Variants in PEX19 observed in about 807,000 individuals in gnomAD.
PEX19 encodes peroxisomal biogenesis factor 19.
A neutral mutation model predicts 36.3 loss-of-function variants in PEX19; 29 were observed. The ratio of observed to expected loss-of-function variants is 0.80; its 90% CI spans 0.60 to 1.09. The LOEUF is 1.09. Among genes scored for constraint, PEX19 ranks in the 50% least tolerant of loss-of-function variants. PEX19 has a pLI of 0.00. For missense variants in PEX19, 396 were observed against 368.1 expected (o/e 1.08, Z -0.62); for synonymous variants, 141 against 135.2 (o/e 1.04, Z -0.30).
At position 160,280,168 on chromosome 1, in the gene PEX19, T is replaced by C; in HGVS notation, c.673A>G (p.Met225Val). ...FEKYQEQHSVMCKICEQFEAE... is the reference protein window; with the variant it reads ...FEKYQEQHSVVCKICEQFEAE... ...TCAAACTGCTCACATATTTTGCACA[T>C]GACGCTGTGCTGCTCCTGATATTTT... is the stretch of plus-strand genomic sequence containing the variant. The change falls in exon 6 of 8, where the codon ATG becomes GTG. Residue 225 changes from methionine to valine, a missense_variant. Coordinates refer to ENST00000368072, the MANE Select transcript of PEX19 (RefSeq NM_002857.4). The C allele has an allele frequency of 6.2e-7, 1 of 1,613,772 alleles. No homozygotes were observed.
rs141992314 is a variant in PEX19 at position 160,281,890 on chromosome 1, C to T, written c.594+149G>A. On this transcript the variant is annotated intron_variant, in intron 5 of 7. Transcript: ENST00000368072. ...CTCTCAGAGACACAACTCTCCCCAA[C>T]CCCCAACTCTCCCTGCCTCAAATAA... 84 of 712,624 alleles carry T rather than the reference C, an allele frequency of 1.2e-4. 3 individuals carry two copies. The Middle Eastern group carries it at 1.3e-3, about 11-fold the overall frequency. 44.1% of individuals were successfully genotyped at this position (712,624 alleles called of 1,614,324 possible).
chr1:160,283,159 C>A, intron 2 of PEX19, 50 bp from the exon 3 acceptor site: 1 of 1,597,726 alleles, frequency 6.3e-7, no homozygotes. Flanking sequence ...GACTACACTG[C>A]ACCTGGCCTC....
At chr1:160,281,240 T>C (rs1483877789) in intron 5 of PEX19, 1 of 152,316 alleles carries the variant, frequency 6.6e-6, no homozygotes, top group Admixed American at 6.6e-5. Flanking sequence ...GAGCCTGGGA[T>C]GGGGAGGCTG....
Position 160,279,605 on chromosome 1 carries a change from G to A in PEX19, c.846C>T (p.Ala282=). The A allele has an allele frequency of 6.2e-7, 1 of 1,614,162 alleles. No homozygotes were observed. The highest frequency in any genetic ancestry group is 8.5e-7 in the Non-Finnish European group (1 of 1,180,004). The change falls in exon 8 of 8, where the codon GCC becomes GCT. Residue 282 remains alanine, a synonymous_variant. Transcript: ENST00000368072. ...MPPGLNFDLD[A]LNLSGPPGAS... is the part of the protein sequence containing the mutation. ...CACCTGGTGGGCCCGAAAGATTGAG[G>A]GCATCCAGGTCAAAGTTGAGGCCAG...
rs367964884 is a variant in PEX19 at position 160,279,853 on chromosome 1, A to G, written c.772-8T>C. Reference sequence around the variant, plus strand: ...ATGGCCTAAATCTTGTAGCTAGAAAATAAGGAAAATGGAACATGAAATAGA... The same window carrying G: ...ATGGCCTAAATCTTGTAGCTAGAAAGTAAGGAAAATGGAACATGAAATAGA... On this transcript the variant is annotated splice_region_variant and splice_polypyrimidine_tract_variant and intron_variant, in intron 6 of 7. Transcript: ENST00000368072. 6 of 1,610,988 alleles carry G rather than the reference A, an allele frequency of 3.7e-6. No individual in the cohort carries two copies. The African/African-American group carries it at 6.7e-5, about 18-fold the overall frequency.
At position 160,277,615 on chromosome 1, in the gene PEX19, G is replaced by C. The variant is rs760414661; in HGVS notation, c.*1936C>G. 8.8e-6 allele frequency: 4 copies of C among 454,254 alleles called. No homozygotes were observed. The highest frequency in any genetic ancestry group is 3.1e-5 in the South Asian group (2 of 64,482). The allele number at this position is 454,254 out of a possible 1,614,324, so 28.1% of individuals were successfully genotyped here. A position where few individuals can be genotyped will look rare whatever the true frequency, so the allele number is the denominator to read the frequency against. ...TGAGTGCCTTGGGAACAAAGATAAA[G>C]TGGACTAGGGCATCTATTTAGATTC... On this transcript the variant is annotated 3_prime_UTR_variant, in exon 8 of 8. Transcript: ENST00000368072.
chr1:160,280,283 G>C (rs780156045), intron 5 of PEX19, 37 bp from the exon 6 acceptor site: 1 of 1,559,368 alleles, frequency 6.4e-7, no homozygotes, highest in Non-Finnish European at 8.8e-7. Context: ...AGAATTAAGT[G>C]AACAATGGAT....
intron 4 of PEX19, 39 bp downstream of exon 4, chr1:160,282,378 G>C (rs1366008539): frequency 1.3e-6 from 2 of 1,510,102 alleles, no homozygotes; most frequent in Non-Finnish European, 1.8e-6. Context: ...AAATGTCTGG[G>C]AGTGGACCCC....
At position 160,278,945 on chromosome 1, in the gene PEX19, C is replaced by T. The variant is rs1195216759; in HGVS notation, c.*606G>A. The T allele has an allele frequency of 1.1e-5, 5 of 454,048 alleles. No homozygotes were observed. The highest frequency in any genetic ancestry group is 7.0e-5 in the East Asian group (1 of 14,376). The allele number at this position is 454,048 out of a possible 1,614,324, so 28.1% of individuals were successfully genotyped here. ...GGAACAGGGAGGTGAGGGCTCAGCA[C>T]CTAGAGAGAGGAGAATCCTAAGGCC... On this transcript the variant is annotated 3_prime_UTR_variant, in exon 8 of 8. Transcript: ENST00000368072.
chr1:160,283,240 C>T, intron 2 of PEX19, 131 bp from the exon 3 acceptor site: 2 of 1,003,908 alleles, frequency 2.0e-6, no homozygotes, highest in Non-Finnish European at 3.1e-6. Flanking sequence ...GACATTCTAA[C>T]TACTGCTCCT....
rs1479478045 is a variant in PEX19 at position 160,280,085 on chromosome 1, C to T, written c.756G>A (p.Leu252=). 1.9e-6 allele frequency: 3 copies of T among 1,613,792 alleles called. No homozygotes were observed. The highest frequency in any genetic ancestry group is 1.1e-5 in the South Asian group (1 of 91,074). Residue 252 remains leucine (L), a synonymous_variant, in exon 6 of 8, where the codon CTG becomes CTA. Transcript: ENST00000368072. ...TTQKARFEMV[L]DLMQQLQDLG... ...GAGGCCTTACCTGCTGCATAAGATC[C>T]AGCACCATCTCAAAACGAGCCTTTT...
chr1:160,283,770 A>G lies in PEX19; in HGVS notation c.71-131T>C. 5.4e-6 allele frequency: 4 copies of G among 745,930 alleles called. 1 individual carries two copies. The South Asian group carries it at 6.0e-5, about 11-fold the overall frequency. 46.2% of individuals were successfully genotyped at this position (745,930 alleles called of 1,614,324 possible). A position where few individuals can be genotyped will look rare whatever the true frequency, so the allele number is the denominator to read the frequency against. On this transcript the variant is annotated intron_variant, in intron 1 of 7. Coordinates refer to ENST00000368072, the MANE Select transcript of PEX19 (RefSeq NM_002857.4). ...CAACTTTCCTCAATTTTCCTCCTTG[A>G]GTCCCCCACCTCCCCAGACCACCCT...
intron 2 of PEX19, among the ~76,000 whole-genome samples, 163 bp from the exon 3 acceptor site, chr1:160,283,272 A>G (rs1657859957): frequency 6.6e-6 from 1 of 152,222 alleles, no homozygotes; most frequent in African/African-American, 2.4e-5. Context: ...CAAAAAAGGT[A>G]TCTAGTCATT....
intron 5 of PEX19, chr1:160,281,398 T>TA (rs1303154039): frequency 1.2e-5 from 2 of 160,836 alleles, no homozygotes; most frequent in African/African-American, 2.4e-5. Flanking sequence ...AGCCAGTAAG[T>TA]AAATCCTCAG....
chr1:160,285,103 A>C lies in PEX19; in HGVS notation c.22T>G (p.Cys8Gly). Residue 8 changes from cysteine to glycine, a missense_variant, in exon 1 of 8, where the codon TGT (cysteine) becomes GGT (glycine). By Grantham distance (159) the Cys-to-Gly change is radical. Coordinates refer to ENST00000368072, the MANE Select transcript of PEX19 (RefSeq NM_002857.4). Reference protein sequence around the residue: MAAAEEGCSVGAEADREL... With the variant: MAAAEEGGSVGAEADREL... The stretch of plus-strand genomic sequence containing the variant: ...CTGTCCGCTTCGGCCCCGACACTAC[A>C]GCCTTCCTCAGCGGCGGCCATCTTG... 1 of 1,613,882 alleles carries C rather than the reference A, an allele frequency of 6.2e-7. No homozygotes were observed.
chr1:160,279,996 C>A, intron 6 of PEX19, 74 bp downstream of exon 6: 1 of 1,474,126 alleles, frequency 6.8e-7, no homozygotes, highest in Non-Finnish European at 9.5e-7. Flanking sequence ...AGCAGTATTG[C>A]ATCCTTCCCA....
In PEX19 at chr1:160,279,586, G is replaced by T. The variant is rs1223515137; in HGVS notation, c.865C>A (p.Pro289Thr). ...DLDALNLSGPPGASGEQCLIM is the reference protein window; with the variant it reads ...DLDALNLSGPTGASGEQCLIM ...AGACACTGTTCACCACTGGCACCTG[G>T]TGGGCCCGAAAGATTGAGGGCATCC... is the stretch of plus-strand genomic sequence containing the variant. The change falls in exon 8 of 8, where the codon CCA (proline) becomes ACA (threonine). Residue 289 changes from proline to threonine, a missense_variant. Coordinates refer to ENST00000368072, the MANE Select transcript of PEX19 (RefSeq NM_002857.4). The T allele has an allele frequency of 8.1e-6, 13 of 1,614,168 alleles. No homozygotes were observed. Among genetic ancestry groups the T allele is most frequent in the Non-Finnish European group, 1.1e-5 (13 of 1,180,014 alleles).
chr1:160,279,479 C>T lies in PEX19; in HGVS notation c.*72G>A. 8.1e-7 allele frequency: 1 copy of T among 1,233,740 alleles called. No individual in the cohort carries two copies. The highest frequency in any genetic ancestry group is 1.2e-6 in the Non-Finnish European group (1 of 834,534). 76.4% of individuals were successfully genotyped at this position (1,233,740 alleles called of 1,614,324 possible). A position where few individuals can be genotyped will look rare whatever the true frequency, so the allele number is the denominator to read the frequency against. ...TCTCCCGCAGGTGACACTCCTGCCT[C>T]AGGTCCCAATGGTTCTGCTGACTCC... On this transcript the variant is annotated 3_prime_UTR_variant, in exon 8 of 8. Transcript: ENST00000368072.
intron 2 of PEX19, 121 bp from the exon 3 acceptor site, chr1:160,283,230 G>T: frequency 9.1e-7 from 1 of 1,092,990 alleles, no homozygotes; most frequent in Non-Finnish European, 1.4e-6. Flanking sequence ...AATTCCACTG[G>T]ACATTCTAAC....
Sources: gnomAD v4.1 joint callset for allele counts (sites outside exome capture counted in the v4.1 genomes callset) on GRCh38, gnomAD v4.1.1 for gene constraint, MANE v1.5 for transcripts, NCBI Gene and HGNC (gene_info 2026-07-23, HGNC 2026-07-21) for gene names.